Variants in DLGAP4 observed in about 807,000 individuals in gnomAD.
DLGAP4 encodes the protein disks large-associated protein 4.
In DLGAP4, 18 loss-of-function variants were observed where a neutral mutation model predicts 86.9. That is an observed-to-expected ratio of 0.21 (90% CI 0.14 to 0.31). The LOEUF (loss-of-function observed/expected upper bound fraction) is 0.31. Among genes scored for constraint, DLGAP4 ranks in the 10% least tolerant of loss-of-function variants. The probability of loss-of-function intolerance (pLI) is 1.00; values close to 1 mark genes in which losing one functional copy is unlikely to be tolerated. For synonymous variants in DLGAP4, 548 were observed against 574.3 expected (o/e 0.95, Z 0.65); for missense variants, 1,085 against 1,362.6 (o/e 0.80, Z 3.21).
intron 7 of DLGAP4, chr20:36,492,490 G>A (rs2035708693): frequency 2.6e-5 from 4 of 152,488 alleles, no homozygotes; most frequent in African/African-American, 9.6e-5. Flanking sequence ...AGGGTGCTTA[G>A]TAGAACTCTG....
At chr20:36,427,924 C>T (rs1273537278) in intron 2 of DLGAP4, among the ~76,000 whole-genome samples, 1 of 151,320 alleles carries the variant, frequency 6.6e-6, no homozygotes, top group East Asian at 1.9e-4. Context: ...GCCTGGGCGA[C>T]AAGAGCAAGA....
At chr20:36,312,747 G>C (rs1467033541) in intron 1 of DLGAP4, among the ~76,000 whole-genome samples, 2 of 152,174 alleles carry the variant, frequency 1.3e-5, no homozygotes, top group African/African-American at 4.8e-5. Flanking sequence ...CACCCCGGGT[G>C]CTGGGCTAGG....
rs1021335340 is a variant in DLGAP4, at chr20:36,382,101, G to A, written c.-73+14826G>A. 2.6e-5 allele frequency among the ~76,000 whole-genome samples: 4 copies of A among 152,200 alleles called. No homozygotes were observed. In the South Asian group the frequency reaches 6.2e-4, roughly 24 times the overall value. Reference sequence around the variant, plus strand: ...CCCAAGGTGAGAAGTGAGGATGATTGCAATTATGGGAGATCTGGAGGTGGA... The same window carrying A: ...CCCAAGGTGAGAAGTGAGGATGATTACAATTATGGGAGATCTGGAGGTGGA... On this transcript the variant is annotated intron_variant, in intron 2 of 12. Transcript: ENST00000339266.
At chr20:36,427,213 T>C (rs2032998511) in intron 2 of DLGAP4, among the ~76,000 whole-genome samples, 1 of 152,124 alleles carries the variant, frequency 6.6e-6, no homozygotes, top group Non-Finnish European at 1.5e-5. Flanking sequence ...GTGCAATGGC[T>C]CATGCCTGTA....
Position 36,526,795 on chromosome 20 carries a change from C to T in DLGAP4, c.2761-18C>T. 1 of 1,579,238 alleles carries T rather than the reference C, an allele frequency of 6.3e-7. No homozygotes were observed. The highest frequency in any genetic ancestry group is 8.6e-7 in the Non-Finnish European group (1 of 1,164,928). On this transcript the variant is annotated intron_variant, in intron 12 of 12. Transcript: ENST00000339266. Reference sequence around the variant, plus strand: ...ACCTTTATTTTATTTTTGTTCTCTCCTCACTGTCTCACTAAAGGAAGAGAA... The same window carrying T: ...ACCTTTATTTTATTTTTGTTCTCTCTTCACTGTCTCACTAAAGGAAGAGAA...
At chr20:36,452,418 G>T (rs1230152607) in intron 7 of DLGAP4, among the ~76,000 whole-genome samples, 1 of 152,066 alleles carries the variant, frequency 6.6e-6, no homozygotes, top group Non-Finnish European at 1.5e-5. Context: ...GGGCTCAAGT[G>T]ATCCTCCCAC....
rs1394480893 is a variant in DLGAP4, at chr20:36,308,948, C to T, written c.-304+2436C>T. ...AATGTCATGGCTCCCAGGATGAAAC[C>T]CAACCTCCCCCTCCCCCAACTAGCT... is the stretch of plus-strand genomic sequence containing the variant. On this transcript the variant is annotated intron_variant, in intron 1 of 12. Transcript: ENST00000339266. The surrounding 1 kb of genome is among the most constrained non-coding windows in gnomAD (Gnocchi z 4.5). Among the ~76,000 whole-genome samples, 1 of 151,810 alleles carries T rather than the reference C, an allele frequency of 6.6e-6. No individual in the cohort carries two copies. Among genetic ancestry groups the T allele is most frequent in the Non-Finnish European group, 1.5e-5 (1 of 67,962 alleles).
chr20:36,382,665 G>A (rs2031446723), intron 2 of DLGAP4, among the ~76,000 whole-genome samples: 1 of 151,662 alleles, frequency 6.6e-6, no homozygotes, highest in South Asian at 2.1e-4. Context: ...GAGTAGCTGG[G>A]ACTACAGGTG....
intron 1 of DLGAP4, among the ~76,000 whole-genome samples, chr20:36,314,928 G>C (rs2065082237): frequency 7.8e-6 from 1 of 128,944 alleles, no homozygotes; most frequent in Non-Finnish European, 1.7e-5. Context: ...TGCGTATGTG[G>C]TGTGTGTGTG....
chr20:36,364,904 G>A (rs2030631448), intron 1 of DLGAP4, among the ~76,000 whole-genome samples: 1 of 152,090 alleles, frequency 6.6e-6, no homozygotes, highest in African/African-American at 2.4e-5. Context: ...AGACTAGCCT[G>A]GGCAATATAG....
intron 2 of DLGAP4, among the ~76,000 whole-genome samples, chr20:36,391,196 G>GGGACCTATAGCC (rs1319638780): frequency 6.6e-6 from 1 of 152,120 alleles, no homozygotes; most frequent in Non-Finnish European, 1.5e-5. Context: ...CAGTGGCCTG[G>GGGACCTATAGCC]GGACCTATAG....
chr20:36,496,332 C>G (rs1449557400), intron 7 of DLGAP4, among the ~76,000 whole-genome samples: 1 of 152,174 alleles, frequency 6.6e-6, no homozygotes, highest in East Asian at 1.9e-4. Flanking sequence ...TTGGCATCTG[C>G]TCTGTTGTCA....
chr20:36,410,106 G>A (rs1488113183), intron 2 of DLGAP4, among the ~76,000 whole-genome samples: 1 of 151,884 alleles, frequency 6.6e-6, no homozygotes, highest in Non-Finnish European at 1.5e-5. Context: ...AGTTTATTGG[G>A]TACCCTTCCA....
In DLGAP4 at chr20:36,519,955, TTG is replaced by T. The variant is rs370824572; in HGVS notation, c.2513-4293_2513-4292del. On this transcript the variant is annotated intron_variant, in intron 10 of 12. Coordinates refer to ENST00000339266, the MANE Select transcript of DLGAP4 (RefSeq NM_001365621.2). ...ACAGGTGTGCACCACCATGCCCAGT[TTG>T]TTTTTTTTTTTTTCTTTTGGTAGAG... is the stretch of plus-strand genomic sequence containing the variant. Among the ~76,000 whole-genome samples, 26 of 150,680 alleles carry T rather than the reference TTG, an allele frequency of 1.7e-4. 2 individuals are homozygous for T. The highest frequency in any genetic ancestry group is 6.5e-4 in the African/African-American group (26 of 40,170).
Position 36,308,489 on chromosome 20 carries a change from G to A in DLGAP4, c.-304+1977G>A, listed in dbSNP as rs782530430. Among the ~76,000 whole-genome samples, 11 of 152,230 alleles carry A rather than the reference G, an allele frequency of 7.2e-5. No homozygotes were observed. Among genetic ancestry groups the A allele is most frequent in the East Asian group, 1.9e-4 (1 of 5,200 alleles). ...ACTGCAGGTCTGAGGGCTGTGCCCC[G>A]GGCGTGAAGCTGCCTGGCAGCTGAG... On this transcript the variant is annotated intron_variant, in intron 1 of 12. Transcript: ENST00000339266. The surrounding 1 kb of genome is among the most constrained non-coding windows in gnomAD (Gnocchi z 4.5).
chr20:36,380,991 G>A (rs1385389282), intron 2 of DLGAP4, among the ~76,000 whole-genome samples: 1 of 152,168 alleles, frequency 6.6e-6, no homozygotes, highest in Non-Finnish European at 1.5e-5. Flanking sequence ...TTCTAACTGA[G>A]CCCTTCTGTT....
chr20:36,327,786 T>C (rs1204750510), intron 1 of DLGAP4, among the ~76,000 whole-genome samples: 2 of 146,048 alleles, frequency 1.4e-5, no homozygotes, highest in Non-Finnish European at 1.5e-5. Context: ...AGAGACGGGG[T>C]TTCACCGTTT....
At chr20:36,364,325 C>A (rs1555894458) in intron 1 of DLGAP4, among the ~76,000 whole-genome samples, 1 of 152,060 alleles carries the variant, frequency 6.6e-6, no homozygotes, top group African/African-American at 2.4e-5. Flanking sequence ...GCAGGAGGAT[C>A]CCTTGAACCC....
chr20:36,356,470 C>A (rs1223968204), intron 1 of DLGAP4, among the ~76,000 whole-genome samples: 4 of 152,128 alleles, frequency 2.6e-5, no homozygotes, highest in Non-Finnish European at 5.9e-5. Context: ...TGCCACTATG[C>A]CCAGCTAATT....
Sources: allele counts gnomAD v4.1 joint callset (sites outside exome capture counted in the v4.1 genomes callset), GRCh38; gene constraint gnomAD v4.1.1; non-coding constraint Gnocchi (gnomAD v3.1); transcripts MANE v1.5; gene names NCBI Gene and HGNC (gene_info 2026-07-23, HGNC 2026-07-21).